ZDHHC17: variants seen among roughly 807,000 people sequenced by gnomAD.
The protein encoded by ZDHHC17 is palmitoyltransferase ZDHHC17.
In ZDHHC17, 40 loss-of-function variants were observed where a neutral mutation model predicts 90.3. That is an observed-to-expected ratio of 0.44 (90% CI 0.34 to 0.58). The LOEUF is 0.58. Among genes scored for constraint, ZDHHC17 ranks in the 20% least tolerant of loss-of-function variants. The pLI is 0.01. For synonymous variants in ZDHHC17, 235 were observed against 252.4 expected (o/e 0.93, Z 0.65); for missense variants, 614 against 780.8 (o/e 0.79, Z 2.55).
chr12:76,842,182 A>G (rs1468922340), intron 11 of ZDHHC17, 76 bp downstream of exon 11: 1 of 1,350,018 alleles, frequency 7.4e-7, no homozygotes, highest in Non-Finnish European at 9.7e-7. Context: ...TAGAGGACAG[A>G]GGAATTAACT....
intron 7 of ZDHHC17, among the ~76,000 whole-genome samples, chr12:76,816,794 G>A (rs1282002194): frequency 6.6e-6 from 1 of 151,978 alleles, no homozygotes. Context: ...GTTTAGGCTA[G>A]TTTTATGGAG....
At chr12:76,769,902 A>G (rs12099947) in intron 1 of ZDHHC17, among the ~76,000 whole-genome samples, 1,950 of 152,134 alleles carry the variant, frequency 0.013, 34 homozygotes, top group African/African-American at 0.044. Flanking sequence ...GGCTTGTTTT[A>G]TTTTGTTCAT....
At chr12:76,830,747 G>C (rs1953290498) in intron 10 of ZDHHC17, among the ~76,000 whole-genome samples, 2 of 152,230 alleles carry the variant, frequency 1.3e-5, no homozygotes, top group South Asian at 4.1e-4. Context: ...CTCAGAATCA[G>C]ATCTCAAAAT....
chr12:76,845,555 T>G, intron 12 of ZDHHC17, 154 bp from the exon 13 acceptor site: 1 of 355,188 alleles, frequency 2.8e-6, no homozygotes, highest in Non-Finnish European at 5.0e-6. Flanking sequence ...TAAACAATAG[T>G]GACTTTTGGT....
intron 10 of ZDHHC17, among the ~76,000 whole-genome samples, chr12:76,829,029 G>A (rs1206240902): frequency 6.6e-6 from 1 of 152,150 alleles, no homozygotes; most frequent in Non-Finnish European, 1.5e-5. Context: ...TTTCACACCA[G>A]TCAGAATAGC....
rs1592455360 is a variant in ZDHHC17 at position 76,770,751 on chromosome 12, A to G, written c.93+6422A>G. On this transcript the variant is annotated intron_variant, in intron 1 of 16. Transcript: ENST00000426126. The stretch of plus-strand genomic sequence containing the variant: ...TCGGGAGTTCGAGACCAGCCTGACC[A>G]ACATGGAGAAACCCCGTCTCTACTA... 2.0e-5 allele frequency among the ~76,000 whole-genome samples: 3 copies of G among 152,226 alleles called. No individual in the cohort carries two copies. In the South Asian group the frequency reaches 6.2e-4, roughly 32 times the overall value.
intron 1 of ZDHHC17, among the ~76,000 whole-genome samples, chr12:76,772,781 G>A (rs1427723528): frequency 1.3e-5 from 2 of 149,124 alleles, no homozygotes; most frequent in Non-Finnish European, 3.0e-5. Context: ...TCCTGACCTC[G>A]TGATCCACCC....
intron 2 of ZDHHC17, among the ~76,000 whole-genome samples, chr12:76,798,681 A>G (rs1274868205): frequency 1.3e-5 from 2 of 152,232 alleles, no homozygotes; most frequent in African/African-American, 4.8e-5. Context: ...CTGTACAGGA[A>G]GCATAGCGGC....
chr12:76,843,513 G>C (rs951774699), intron 12 of ZDHHC17, among the ~76,000 whole-genome samples: 6 of 151,672 alleles, frequency 4.0e-5, no homozygotes, highest in Non-Finnish European at 7.4e-5. Context: ...TCCTCATCCA[G>C]GTCATAGGTA....
rs750551446 is a variant in ZDHHC17 at position 76,797,384 on chromosome 12, C to T, written c.94-50C>T. 2.3e-6 allele frequency: 3 copies of T among 1,311,948 alleles called. No homozygotes were observed. In the Admixed American group the frequency reaches 7.0e-5, roughly 31 times the overall value. 81.3% of individuals were successfully genotyped at this position (1,311,948 alleles called of 1,614,324 possible). ...CTACTATAAAATATAGAAATATTTT[C>T]TGTACCTCTTTTTTCAATTCTTGCC... On this transcript the variant is annotated intron_variant, in intron 1 of 16. Coordinates refer to ENST00000426126, the MANE Select transcript of ZDHHC17 (RefSeq NM_015336.4).
intron 1 of ZDHHC17, among the ~76,000 whole-genome samples, chr12:76,787,689 C>T (rs1328414569): frequency 1.3e-5 from 2 of 151,882 alleles, no homozygotes; most frequent in Non-Finnish European, 2.9e-5. Context: ...GGTATTCTTA[C>T]AGTATTCAAA....
intron 1 of ZDHHC17, among the ~76,000 whole-genome samples, chr12:76,767,266 C>A (rs530061275): frequency 4.6e-5 from 7 of 152,230 alleles, no homozygotes; most frequent in African/African-American, 1.7e-4. Context: ...GAACAAATTT[C>A]ATTTCACTTT....
chr12:76,802,214 G>A lies in ZDHHC17; in HGVS notation c.198-3103G>A, dbSNP rs77099517. Among the ~76,000 whole-genome samples the A allele has an allele frequency of 4.7e-3, 722 of 152,270 alleles. 18 individuals are homozygous for A. The highest frequency in any genetic ancestry group is 0.039 in the Admixed American group (597 of 15,300). ...CCCTCTTTTGAAGGACAATTTTGCT[G>A]AATATAGGATTTTTGGTTGGCATTG... is the stretch of plus-strand genomic sequence containing the variant. On this transcript the variant is annotated intron_variant, in intron 2 of 16. Coordinates refer to ENST00000426126, the MANE Select transcript of ZDHHC17 (RefSeq NM_015336.4).
chr12:76,770,650 T>C (rs1031918040), intron 1 of ZDHHC17, among the ~76,000 whole-genome samples: 8 of 152,212 alleles, frequency 5.3e-5, no homozygotes, highest in African/African-American at 9.6e-5. Context: ...TAAAATGCAG[T>C]GTGCTGGCCG....
intron 1 of ZDHHC17, among the ~76,000 whole-genome samples, chr12:76,767,178 T>G (rs1404387655): frequency 6.6e-6 from 1 of 152,232 alleles, no homozygotes; most frequent in Non-Finnish European, 1.5e-5. Flanking sequence ...GAAAGGGAAG[T>G]GTTACACATT....
At chr12:76,782,940 A>G (rs764545948) in intron 1 of ZDHHC17, among the ~76,000 whole-genome samples, 11 of 152,076 alleles carry the variant, frequency 7.2e-5, no homozygotes, top group Non-Finnish European at 1.6e-4. Context: ...CCCCACCTTT[A>G]GTATCTGATG....
At chr12:76,850,099 T>A (rs192584676) in intron 16 of ZDHHC17, among the ~76,000 whole-genome samples, 5 of 152,200 alleles carry the variant, frequency 3.3e-5, no homozygotes, top group Non-Finnish European at 5.9e-5. Context: ...GTATTTTTAG[T>A]AGAGATGGGG....
chr12:76,841,583 T>G (rs1309803677), intron 10 of ZDHHC17, among the ~76,000 whole-genome samples: 1 of 152,156 alleles, frequency 6.6e-6, no homozygotes, highest in African/African-American at 2.4e-5. Flanking sequence ...AGAATTTTTC[T>G]TTTTTGACTT....
At chr12:76,797,218 G>A (rs1281431235) in intron 1 of ZDHHC17, among the ~76,000 whole-genome samples, 1 of 152,010 alleles carries the variant, frequency 6.6e-6, no homozygotes, top group Non-Finnish European at 1.5e-5. Context: ...AGCCGAGATC[G>A]CGTCACTGCA....
Sources: allele counts gnomAD v4.1 joint callset (sites outside exome capture counted in the v4.1 genomes callset), GRCh38; gene constraint gnomAD v4.1.1; transcripts MANE v1.5; gene names NCBI Gene and HGNC (gene_info 2026-07-23, HGNC 2026-07-21).